Variants in NBDY observed in about 807,000 individuals in gnomAD.
NBDY encodes the protein P-body dissociating protein.
intron 2 of NBDY, among the ~76,000 whole-genome samples, chrX:56,735,936 T>C (rs1183666982): frequency 7.2e-5 from 7 of 97,214 alleles, no homozygotes; most frequent in Non-Finnish European, 1.5e-4. Flanking sequence ...AGAAAAATAA[T>C]CTGACTAGCA....
At chrX:56,745,685 T>C (rs2146716346) in intron 2 of NBDY, among the ~76,000 whole-genome samples, 1 of 111,369 alleles carries the variant, frequency 9.0e-6, no homozygotes, top group African/African-American at 3.3e-5. Context: ...TTGTATTTAG[T>C]TGTCATGCTC....
intron 2 of NBDY, among the ~76,000 whole-genome samples, chrX:56,786,268 G>C (rs1253625884): frequency 9.0e-6 from 1 of 110,974 alleles, no homozygotes; most frequent in Non-Finnish European, 1.9e-5. Context: ...CCCATATGTG[G>C]ATCAAAGTTT....
chrX:56,795,006 G>A (rs1351729790), intron 2 of NBDY, among the ~76,000 whole-genome samples: 1 of 111,789 alleles, frequency 8.9e-6, no homozygotes, highest in Non-Finnish European at 1.9e-5. Context: ...GGTATTTCTG[G>A]GTGAATTTCA....
intron 1 of NBDY, among the ~76,000 whole-genome samples, chrX:56,730,497 G>GCAAAAAA (rs1259867304): frequency 1.1e-4 from 2 of 17,584 alleles, no homozygotes; most frequent in Non-Finnish European, 2.6e-4. Context: ...GGCGACAATA[G>GCAAAAAA]CAAAAAACTA....
chrX:56,751,766 T>C (rs2069586940), intron 2 of NBDY, among the ~76,000 whole-genome samples: 1 of 112,364 alleles, frequency 8.9e-6, no homozygotes, highest in African/African-American at 3.2e-5. Context: ...TCACAGAATA[T>C]GTACTCTTTT....
intron 2 of NBDY, among the ~76,000 whole-genome samples, chrX:56,805,818 C>G (rs1421921619): frequency 9.0e-6 from 1 of 111,604 alleles, no homozygotes; most frequent in Non-Finnish European, 1.9e-5. Context: ...AGTTTTTCTC[C>G]CTTCACTTTT....
At chrX:56,781,628 TTTC>T (rs1285750873) in intron 2 of NBDY, among the ~76,000 whole-genome samples, 4 of 112,143 alleles carry the variant, frequency 3.6e-5, no homozygotes, top group Non-Finnish European at 7.5e-5. Flanking sequence ...CCTTCACTTT[TTTC>T]TTCTTCACTG....
At chrX:56,792,966 G>A (rs759766398) in intron 2 of NBDY, among the ~76,000 whole-genome samples, 1 of 111,863 alleles carries the variant, frequency 8.9e-6, no homozygotes, top group South Asian at 3.8e-4. Flanking sequence ...GTCCCTATGG[G>A]ATGCCATGAG....
intron 2 of NBDY, among the ~76,000 whole-genome samples, chrX:56,761,710 C>T (rs766207470): frequency 7.1e-5 from 8 of 113,071 alleles, no homozygotes; most frequent in East Asian, 5.6e-4. Flanking sequence ...AGGCAGGGTC[C>T]GGTTGGCAAG....
rs753784623 is a variant in NBDY, at chrX:56,742,449, T to C, written c.*166+10250T>C. The stretch of plus-strand genomic sequence containing the variant: ...ATGGACGTTTTAACAATATTGATTC[T>C]TTCAATTCATGAACATGGACTATCT... On this transcript the variant is annotated intron_variant, in intron 2 of 2. Coordinates refer to ENST00000374922, the MANE Select transcript of NBDY (RefSeq NM_001348129.2). Among the ~76,000 whole-genome samples, 8 of 111,709 alleles carry C rather than the reference T, an allele frequency of 7.2e-5. No individual in the cohort carries two copies. The East Asian group carries it at 2.2e-3, about 31-fold the overall frequency.
At position 56,733,522 on chromosome X, in the gene NBDY, A is replaced by G. The variant is rs770209414; in HGVS notation, c.*166+1323A>G. Among the ~76,000 whole-genome samples, 6 of 111,613 alleles carry G rather than the reference A, an allele frequency of 5.4e-5. No individual in the cohort carries two copies. The East Asian group carries it at 1.7e-3, about 31-fold the overall frequency. On this transcript the variant is annotated intron_variant, in intron 2 of 2. Transcript: ENST00000374922. The stretch of plus-strand genomic sequence containing the variant: ...TTAGTAGTAAACTCTCCTGATGGCC[A>G]TAAACCTCTAAGGTGTTGTCATCCT...
chrX:56,754,804 C>T (rs2069601137), intron 2 of NBDY, among the ~76,000 whole-genome samples: 2 of 109,696 alleles, frequency 1.8e-5, no homozygotes, highest in African/African-American at 6.6e-5. Context: ...CAAAACAAAC[C>T]CAAAACTAGA....
chrX:56,787,773 G>C (rs1055370923), intron 2 of NBDY, among the ~76,000 whole-genome samples: 1 of 112,387 alleles, frequency 8.9e-6, no homozygotes, highest in Non-Finnish European at 1.9e-5. Flanking sequence ...ACTTGAGTGA[G>C]GTGTTGAGTG....
chrX:56,736,380 G>A (rs934679075), intron 2 of NBDY, among the ~76,000 whole-genome samples: 8 of 111,554 alleles, frequency 7.2e-5, no homozygotes, highest in African/African-American at 2.3e-4. Context: ...TTCTCCTGCC[G>A]CAGCCTCCCA....
chrX:56,767,928 C>T (rs1355998261), intron 2 of NBDY, among the ~76,000 whole-genome samples: 2 of 56,591 alleles, frequency 3.5e-5, no homozygotes, highest in Non-Finnish European at 6.4e-5. Flanking sequence ...AGGAACTCCT[C>T]GCTGGCCCTT....
chrX:56,795,390 A>C (rs1270219543), intron 2 of NBDY, among the ~76,000 whole-genome samples: 2 of 112,089 alleles, frequency 1.8e-5, no homozygotes, highest in Admixed American at 1.9e-4. Flanking sequence ...GTGGTCCATC[A>C]TACAAAGCCC....
chrX:56,800,566 G>A (rs1157188793), intron 2 of NBDY, among the ~76,000 whole-genome samples: 1 of 111,430 alleles, frequency 9.0e-6, no homozygotes, highest in Admixed American at 9.5e-5. Flanking sequence ...GACTCTTCTT[G>A]TACGAAGGCA....
chrX:56,765,569 G>A (rs770237721), intron 2 of NBDY, among the ~76,000 whole-genome samples: 2 of 111,571 alleles, frequency 1.8e-5, no homozygotes, highest in African/African-American at 3.3e-5. Flanking sequence ...GTCACCACGC[G>A]TTGAGGCCCT....
chrX:56,802,150 C>CTATG (rs2069826548), intron 2 of NBDY, among the ~76,000 whole-genome samples: 1 of 111,924 alleles, frequency 8.9e-6, no homozygotes, highest in Admixed American at 9.4e-5. Flanking sequence ...AGGCAATGGG[C>CTATG]TATGGGTGAG....
Sources: gnomAD v4.1 joint callset for allele counts (sites outside exome capture counted in the v4.1 genomes callset) on GRCh38, gnomAD v4.1.1 for gene constraint, MANE v1.5 for transcripts, NCBI Gene and HGNC (gene_info 2026-07-23, HGNC 2026-07-21) for gene names.